The following GRM7 variants were observed in gnomAD, a reference collection of about 807,000 sequenced individuals.
The protein encoded by GRM7 is glutamate metabotropic receptor 7, also known as metabotropic glutamate receptor 7.
A neutral mutation model predicts 84.5 loss-of-function variants in GRM7; 35 were observed. The ratio of observed to expected loss-of-function variants is 0.41; its 90% confidence interval spans 0.32 to 0.55. The LOEUF (loss-of-function observed/expected upper bound fraction) is 0.55. GRM7 is among the 20% of genes least tolerant of loss of function. The probability of loss-of-function intolerance (pLI) is 0.19; values close to 1 mark genes in which losing one functional copy is unlikely to be tolerated. For missense variants in GRM7, 1,003 were observed against 1,194.6 expected, an observed-to-expected ratio of 0.84 and a Z score of 2.36; for synonymous variants, 487 against 455.1, an observed-to-expected ratio of 1.07 and a Z score of -0.89.
chr3:7,501,457 A>T (rs545812622), intron 7 of GRM7, among the ~76,000 whole-genome samples: 2 of 152,330 alleles, frequency 1.3e-5, no homozygotes, highest in African/African-American at 4.8e-5. Flanking sequence ...GTCAGACTCT[A>T]TGCTTTGATC....
At chr3:7,179,326 T>A (rs9855840) in intron 2 of GRM7, among the ~76,000 whole-genome samples, 49,310 of 152,072 alleles carry the variant, frequency 0.32, 8,296 homozygotes, top group Middle Eastern at 0.39. Context: ...CAATCATTTC[T>A]GTTTGTTTCC....
At chr3:7,480,736 A>G (rs1559352437) in intron 7 of GRM7, among the ~76,000 whole-genome samples, 2 of 152,148 alleles carry the variant, frequency 1.3e-5, no homozygotes, top group Non-Finnish European at 2.9e-5. Flanking sequence ...ATGGGTTTCA[A>G]ACTTTGCTGT....
chr3:7,646,650 A>G (rs186125252), intron 8 of GRM7, among the ~76,000 whole-genome samples: 1 of 152,254 alleles, frequency 6.6e-6, no homozygotes, highest in Admixed American at 6.5e-5. Flanking sequence ...CTCATGTCCA[A>G]AAAAAGACAG....
intron 2 of GRM7, among the ~76,000 whole-genome samples, chr3:7,210,447 C>A (rs1696383605): frequency 6.6e-6 from 1 of 152,122 alleles, no homozygotes; most frequent in African/African-American, 2.4e-5. Flanking sequence ...TCAAAAAAAT[C>A]TGATAAACTG....
In GRM7 at chr3:7,276,247, GTGTA is replaced by G. The variant is rs1447394321; in HGVS notation, c.737-22435_737-22432del. Among the ~76,000 whole-genome samples the G allele has an allele frequency of 3.7e-3, 551 of 148,302 alleles. 1 individual carries two copies. The highest frequency in any genetic ancestry group is 5.0e-3 in the Non-Finnish European group (334 of 67,160). ...TGTGTGTGTGTGTGTGTGTGTGTGT[GTGTA>G]TATATAATTGTCCTCTCAATGTAGA... On this transcript the variant is annotated intron_variant, in intron 2 of 9. Transcript: ENST00000357716.
intron 1 of GRM7, among the ~76,000 whole-genome samples, chr3:7,119,134 C>T (rs568639910): frequency 2.6e-5 from 4 of 151,980 alleles, no homozygotes; most frequent in Non-Finnish European, 5.9e-5. Context: ...TATGAGTGTG[C>T]GTGTTTGTGA....
intron 7 of GRM7, among the ~76,000 whole-genome samples, chr3:7,520,512 TAAAAAA>T: frequency 6.7e-6 from 1 of 148,936 alleles, no homozygotes; most frequent in East Asian, 2.0e-4. Context: ...CTGAAAAAAA[TAAAAAA>T]AAAAACACCA....
chr3:7,394,608 C>T lies in GRM7; in HGVS notation c.1034-20415C>T, dbSNP rs1695133661. 5.3e-5 allele frequency among the ~76,000 whole-genome samples: 8 copies of T among 149,904 alleles called. No homozygotes were observed. In the South Asian group the frequency reaches 1.7e-3, roughly 32 times the overall value. On this transcript the variant is annotated intron_variant, in intron 4 of 9. Coordinates refer to ENST00000357716, the MANE Select transcript of GRM7 (RefSeq NM_000844.4). ...TCCATATTTCATCTTCTTTTTTCCT[C>T]CCCTTTTAAAAATAGGGAAAATACT...
Position 7,306,502 on chromosome 3 carries a change from A to G in GRM7, c.883A>G (p.Ile295Val), listed in dbSNP as rs961639252. 6.2e-7 allele frequency: 1 copy of G among 1,613,534 alleles called. No homozygotes were observed. Among genetic ancestry groups the G allele is most frequent in the African/African-American group, 1.3e-5 (1 of 74,902 alleles). Residue 295 changes from isoleucine (I) to valine (V), a missense_variant, in exon 4 of 10, where the codon ATC (isoleucine) becomes GTC (valine). Physicochemically the swap from Ile to Val is conservative, Grantham distance 29. Around this residue, in one of 2 missense-constraint regions of GRM7, gnomAD observed 910 missense variants for 1,126.0 expected, o/e 0.81. Transcript: ENST00000357716. ...TTTCCATATTTCTTTCCACAGGCAG[A>G]TCCTTGCAGCAGCCAAAAGAGCTGA... ...IFANDEDIKQ[I>V]LAAAKRADQV...
At chr3:7,055,387 G>A (rs1347394371) in intron 1 of GRM7, among the ~76,000 whole-genome samples, 6 of 151,616 alleles carry the variant, frequency 4.0e-5, no homozygotes, top group Admixed American at 1.3e-4. Flanking sequence ...TTTCATAGGT[G>A]GAGAACCGTT....
At chr3:7,052,720 GTTTTT>G (rs372132445) in intron 1 of GRM7, among the ~76,000 whole-genome samples, 1 of 101,564 alleles carries the variant, frequency 9.8e-6, no homozygotes, top group Non-Finnish European at 1.9e-5. Context: ...AGTATCGGTA[GTTTTT>G]TTTTTTTTTT....
chr3:7,058,225 CCA>C (rs746929206), intron 1 of GRM7, among the ~76,000 whole-genome samples: 2 of 151,830 alleles, frequency 1.3e-5, no homozygotes, highest in Non-Finnish European at 2.9e-5. Context: ...TATAAAATAA[CCA>C]CATAATTAGA....
At chr3:7,562,190 G>A (rs988251511) in intron 7 of GRM7, among the ~76,000 whole-genome samples, 23 of 151,948 alleles carry the variant, frequency 1.5e-4, no homozygotes, top group African/African-American at 4.6e-4. Flanking sequence ...TTTCTTGCCA[G>A]CTATTCACCA....
Position 6,863,157 on chromosome 3 carries a change from T to A in GRM7, c.519+1250T>A, listed in dbSNP as rs1292210307. Among the ~76,000 whole-genome samples the A allele has an allele frequency of 6.6e-6, 1 of 152,006 alleles. No homozygotes were observed. Reference sequence around the variant, plus strand: ...TTTTCTCTCTGTTTTTTCTCTCCTTTTCAATCTCTCCCTCCTTTCCTCCTC... The same window carrying A: ...TTTTCTCTCTGTTTTTTCTCTCCTTATCAATCTCTCCCTCCTTTCCTCCTC... On this transcript the variant is annotated intron_variant, in intron 1 of 9. Coordinates refer to ENST00000357716, the MANE Select transcript of GRM7 (RefSeq NM_000844.4). This position sits in a 1 kb window ranked among gnomAD's most constrained non-coding sequence, Gnocchi z 4.8.
chr3:7,537,929 T>C (rs1162293113), intron 7 of GRM7, among the ~76,000 whole-genome samples: 1 of 152,182 alleles, frequency 6.6e-6, no homozygotes, highest in Non-Finnish European at 1.5e-5. Context: ...AGCTGAGTTA[T>C]GTTTTGTTTC....
chr3:7,545,349 T>A (rs894563341), intron 7 of GRM7, among the ~76,000 whole-genome samples: 1 of 152,198 alleles, frequency 6.6e-6, no homozygotes, highest in Non-Finnish European at 1.5e-5. Flanking sequence ...AAAGGAAGAA[T>A]TAAAATGTAG....
chr3:7,297,383 G>A (rs1410521042), intron 2 of GRM7, among the ~76,000 whole-genome samples: 2 of 152,086 alleles, frequency 1.3e-5, no homozygotes, highest in Non-Finnish European at 2.9e-5. Flanking sequence ...CTTTAAAAAT[G>A]TTATTTGTAT....
intron 4 of GRM7, among the ~76,000 whole-genome samples, chr3:7,376,657 A>G (rs1694363911): frequency 6.6e-6 from 1 of 152,220 alleles, no homozygotes; most frequent in Non-Finnish European, 1.5e-5. Context: ...TTATTGAACC[A>G]TGCTCTTTTG....
intron 1 of GRM7, among the ~76,000 whole-genome samples, chr3:7,047,148 A>C (rs930550746): frequency 1.3e-5 from 2 of 151,852 alleles, no homozygotes; most frequent in African/African-American, 2.4e-5. Context: ...TTTTTTAATA[A>C]AGTTTGTTGG....
Sources: allele counts gnomAD v4.1 joint callset (sites outside exome capture counted in the v4.1 genomes callset), GRCh38; gene constraint gnomAD v4.1.1; regional missense constraint gnomAD v4.1.1; non-coding constraint Gnocchi (gnomAD v3.1); transcripts MANE v1.5; gene names NCBI Gene and HGNC (gene_info 2026-07-23, HGNC 2026-07-21).